Variants in CSMD3 observed in about 807,000 individuals in gnomAD.
CSMD3 encodes the protein CUB and sushi domain-containing protein 3.
Under a neutral mutation model 435.2 loss-of-function variants are expected in CSMD3, and 177 were observed. The observed-to-expected ratio is 0.41, with a 90% CI of 0.36 to 0.46. The LOEUF (loss-of-function observed/expected upper bound fraction) is 0.46, where lower values mean the gene tolerates loss of function less well. Ranked by LOEUF, CSMD3 falls within the 20% of genes least tolerant of loss-of-function variation. CSMD3 has a pLI of 0.34. For synonymous variants in CSMD3, 1,656 were observed against 1,520.5 expected, an observed-to-expected ratio of 1.09 and a Z score of -2.07; for missense variants, 4,265 against 4,504.6, an observed-to-expected ratio of 0.95 and a Z score of 1.52.
intron 3 of CSMD3, among the ~76,000 whole-genome samples, chr8:113,210,856 G>A (rs991425433): frequency 6.6e-6 from 1 of 150,466 alleles, no homozygotes; most frequent in Non-Finnish European, 1.5e-5. Context: ...CTAGCCAGGG[G>A]CAACAGAGCA....
intron 5 of CSMD3, among the ~76,000 whole-genome samples, chr8:113,077,380 T>TA (rs1049097968): frequency 1.3e-5 from 2 of 151,704 alleles, no homozygotes; most frequent in Non-Finnish European, 2.9e-5. Flanking sequence ...AAAACAGTTA[T>TA]AAAAAAACCA....
intron 66 of CSMD3, among the ~76,000 whole-genome samples, chr8:112,240,431 A>T (rs1045563441): frequency 2.8e-5 from 4 of 145,086 alleles, no homozygotes; most frequent in African/African-American, 9.7e-5. Flanking sequence ...ACTTTTATGT[A>T]TTCTTTGATT....
chr8:112,861,819 C>T (rs1311950887), intron 10 of CSMD3, among the ~76,000 whole-genome samples: 1 of 151,808 alleles, frequency 6.6e-6, no homozygotes, highest in Non-Finnish European at 1.5e-5. Flanking sequence ...GAATATACTC[C>T]TTCTCTGAGT....
At chr8:112,806,336 T>C (rs990739690) in intron 12 of CSMD3, among the ~76,000 whole-genome samples, 4 of 152,194 alleles carry the variant, frequency 2.6e-5, no homozygotes, top group African/African-American at 4.8e-5. Flanking sequence ...AAGTTGGGAA[T>C]AGATGACACA....
chr8:113,428,597 T>A (rs2094650901), intron 1 of CSMD3, among the ~76,000 whole-genome samples: 1 of 151,964 alleles, frequency 6.6e-6, no homozygotes, highest in Non-Finnish European at 1.5e-5. Flanking sequence ...AGAAAAGAAC[T>A]GTTTGAGATG....
chr8:112,853,038 C>G (rs2080539466), intron 11 of CSMD3, among the ~76,000 whole-genome samples: 1 of 152,032 alleles, frequency 6.6e-6, no homozygotes, highest in Non-Finnish European at 1.5e-5. Flanking sequence ...AATAGTAGTT[C>G]AAATATACTT....
chr8:112,580,436 G>C (rs765486593), intron 23 of CSMD3, among the ~76,000 whole-genome samples: 1 of 151,572 alleles, frequency 6.6e-6, no homozygotes. Context: ...TTTTGTAGGA[G>C]GAATAATAGA....
chr8:112,892,273 T>C (rs188496509), intron 10 of CSMD3, among the ~76,000 whole-genome samples: 1 of 151,652 alleles, frequency 6.6e-6, no homozygotes, highest in East Asian at 2.0e-4. Flanking sequence ...ATATAAAAAA[T>C]TGTTCCTTTT....
At chr8:113,377,187 C>A (rs1269861352) in intron 1 of CSMD3, 4 of 1,182,424 alleles carry the variant, frequency 3.4e-6, no homozygotes, top group Admixed American at 6.3e-5. Context: ...TACATCCGCT[C>A]CAATGGCCGG....
At chr8:113,068,209 T>C (rs937915857) in intron 5 of CSMD3, among the ~76,000 whole-genome samples, 1 of 152,170 alleles carries the variant, frequency 6.6e-6, no homozygotes, top group African/African-American at 2.4e-5. Context: ...TAGTGAATAC[T>C]ACTGTGAATT....
At chr8:113,363,020 A>G (rs1241431629) in intron 1 of CSMD3, among the ~76,000 whole-genome samples, 1 of 152,120 alleles carries the variant, frequency 6.6e-6, no homozygotes, top group Non-Finnish European at 1.5e-5. Flanking sequence ...TTCTGCTACC[A>G]TTTTCCTCAC....
At chr8:112,592,149 T>C (rs1831247143) in intron 22 of CSMD3, among the ~76,000 whole-genome samples, 1 of 152,008 alleles carries the variant, frequency 6.6e-6, no homozygotes, top group African/African-American at 2.4e-5. Flanking sequence ...ACTTTGTTCT[T>C]CAGAAATTTT....
chr8:113,346,167 A>G (rs2094149915), intron 1 of CSMD3, among the ~76,000 whole-genome samples: 1 of 151,950 alleles, frequency 6.6e-6, no homozygotes, highest in African/African-American at 2.4e-5. Context: ...ACCATGGGAG[A>G]GGAGGACGTT....
At chr8:112,897,653 T>C (rs902597818) in intron 10 of CSMD3, among the ~76,000 whole-genome samples, 1 of 148,722 alleles carries the variant, frequency 6.7e-6, no homozygotes, top group African/African-American at 2.5e-5. Flanking sequence ...GAGAACTCCC[T>C]AAAATACTAT....
At chr8:112,872,523 T>C (rs1388212731) in intron 10 of CSMD3, among the ~76,000 whole-genome samples, 1 of 151,982 alleles carries the variant, frequency 6.6e-6, no homozygotes. Flanking sequence ...ACGAGAAATA[T>C]AATGTACAGA....
At chr8:113,122,571 A>C (rs915599414) in intron 4 of CSMD3, among the ~76,000 whole-genome samples, 1 of 152,022 alleles carries the variant, frequency 6.6e-6, no homozygotes, top group Non-Finnish European at 1.5e-5. Context: ...ATGAATCCTT[A>C]AATTGGGGGA....
At chr8:113,107,529 T>C (rs2090515663) in intron 4 of CSMD3, among the ~76,000 whole-genome samples, 2 of 152,184 alleles carry the variant, frequency 1.3e-5, no homozygotes. Context: ...CCCATGGAAA[T>C]GAAAAGTCAG....
At chr8:112,974,321 G>A (rs777365026) in intron 7 of CSMD3, among the ~76,000 whole-genome samples, 3 of 151,622 alleles carry the variant, frequency 2.0e-5, no homozygotes, top group Non-Finnish European at 3.0e-5. Flanking sequence ...ACCACTTGAC[G>A]GCAAACTTTG....
chr8:112,484,493 CCACA>C (rs35198612), intron 31 of CSMD3, among the ~76,000 whole-genome samples: 11 of 147,178 alleles, frequency 7.5e-5, no homozygotes, highest in African/African-American at 2.0e-4. Flanking sequence ...TTCAACACAC[CCACA>C]CACACACACA....
Sources: gnomAD v4.1 joint callset for allele counts (sites outside exome capture counted in the v4.1 genomes callset) on GRCh38, gnomAD v4.1.1 for gene constraint, MANE v1.5 for transcripts, NCBI Gene and HGNC (gene_info 2026-07-23, HGNC 2026-07-21) for gene names.